The following DHX33 variants were observed in gnomAD, a reference collection of about 807,000 sequenced individuals.
DHX33 encodes DEAH-box helicase 33.
DHX33 carries 42 observed loss-of-function variants against 72.5 expected under a neutral mutation model. The ratio of observed to expected loss-of-function variants is 0.58; its 90% CI spans 0.45 to 0.75. DHX33 has a LOEUF of 0.75. Among genes scored for constraint, DHX33 ranks in the 30% least tolerant of loss-of-function variants. The probability of loss-of-function intolerance (pLI) is 0.00; values close to 1 mark genes in which losing one functional copy is unlikely to be tolerated. For synonymous variants in DHX33, 358 were observed against 366.1 expected, an observed-to-expected ratio of 0.98 and a Z score of 0.25; for missense variants, 842 against 917.5, an observed-to-expected ratio of 0.92 and a Z score of 1.06.
chr17:5,468,530 G>C (rs1446245010), intron 1 of DHX33, 41 bp downstream of exon 1: 1 of 1,586,998 alleles, frequency 6.3e-7, no homozygotes, highest in African/African-American at 1.3e-5. Context: ...GCTAAGCCAC[G>C]GACGAAGTGC....
intron 5 of DHX33, 37 bp downstream of exon 5, chr17:5,455,960 C>G (rs767578381): frequency 6.3e-7 from 1 of 1,589,748 alleles, no homozygotes; most frequent in South Asian, 1.1e-5. Context: ...GTCTGGGTGC[C>G]CAGAATAGGG....
At position 5,444,268 on chromosome 17, in the gene DHX33, T is replaced by A; in HGVS notation, c.2061A>T (p.Ala687=). Residue 687 remains alanine (A), a synonymous_variant, in exon 12 of 12, where the codon GCA becomes GCT. Transcript: ENST00000225296. The surrounding 1 kb of genome is among the most constrained non-coding windows in gnomAD (Gnocchi z 4.9). ...CAGGGGCAGCCTCGTACAGCCACTGTGCATCTATGACGCAGAGGTCCCGCA... is the reference window on the plus strand; with the variant it reads ...CAGGGGCAGCCTCGTACAGCCACTGAGCATCTATGACGCAGAGGTCCCGCA... ...CYMRDLCVID[A]QWLYEAAPEY... 1 of 1,614,228 alleles carries A rather than the reference T, an allele frequency of 6.2e-7. No individual in the cohort carries two copies. Among genetic ancestry groups the A allele is most frequent in the Non-Finnish European group, 8.5e-7 (1 of 1,180,046 alleles).
intron 11 of DHX33, among the ~76,000 whole-genome samples, chr17:5,447,961 C>T (rs555414196): frequency 6.6e-6 from 1 of 152,318 alleles, no homozygotes; most frequent in East Asian, 1.9e-4. Flanking sequence ...GGCAAATCAC[C>T]TGAGGTCAGG....
chr17:5,461,288 GTTTCC>G (rs1407409010), intron 3 of DHX33, 179 bp from the exon 4 acceptor site: 3 of 469,834 alleles, frequency 6.4e-6, no homozygotes, highest in Non-Finnish European at 1.1e-5. Flanking sequence ...ACACAGGTCT[GTTTCC>G]TTTCCTTTCC....
intron 4 of DHX33, among the ~76,000 whole-genome samples, chr17:5,458,793 A>T (rs1199579563): frequency 6.6e-6 from 1 of 152,244 alleles, no homozygotes; most frequent in African/African-American, 2.4e-5. Flanking sequence ...CCTAAACAGC[A>T]GAAATCTGGG....
At chr17:5,448,290 G>A (rs994192956) in intron 11 of DHX33, among the ~76,000 whole-genome samples, 2 of 152,220 alleles carry the variant, frequency 1.3e-5, no homozygotes, top group Admixed American at 6.5e-5. Flanking sequence ...TCCGTTATGT[G>A]TGTGCTCACA....
rs747244324 is a variant in DHX33 at position 5,468,698 on chromosome 17, G to A, written c.162C>T (p.Pro54=). 13 of 1,611,554 alleles carry A rather than the reference G, an allele frequency of 8.1e-6. No homozygotes were observed. The highest frequency in any genetic ancestry group is 1.1e-5 in the South Asian group (1 of 90,992). The change falls in exon 1 of 12, where the codon CCC becomes CCT. Residue 54 remains proline, a synonymous_variant. Coordinates refer to ENST00000225296, the MANE Select transcript of DHX33 (RefSeq NM_020162.4). ...GGGGGRRQQP[P]LAQPSASPYP... ...AGGGACTGGCCGAGGGCTGGGCCAGGGGCGGCTGCTGCCTCCGGCCTCCTC... is the reference window on the plus strand; with the variant it reads ...AGGGACTGGCCGAGGGCTGGGCCAGAGGCGGCTGCTGCCTCCGGCCTCCTC...
intron 11 of DHX33, among the ~76,000 whole-genome samples, chr17:5,448,602 T>TAA (rs1234007648): frequency 6.6e-6 from 1 of 152,190 alleles, no homozygotes; most frequent in African/African-American, 2.4e-5. Flanking sequence ...ATTTACTATG[T>TAA]AAAAAAATAC....
intron 4 of DHX33, 83 bp from the exon 5 acceptor site, chr17:5,456,265 T>C: frequency 1.4e-6 from 2 of 1,399,568 alleles, no homozygotes; most frequent in Non-Finnish European, 2.0e-6. Flanking sequence ...TTGATGATGT[T>C]TCCCAGAGTT....
intron 10 of DHX33, 98 bp downstream of exon 10, chr17:5,450,103 AAG>A: frequency 3.5e-6 from 5 of 1,441,204 alleles, no homozygotes; most frequent in Non-Finnish European, 4.8e-6. Flanking sequence ...TTTAGCCAAA[AAG>A]GGAAAGCGTA....
chr17:5,453,294 C>T (rs111857249), intron 8 of DHX33, among the ~76,000 whole-genome samples: 22,082 of 152,004 alleles, frequency 0.15, 2,821 homozygotes, highest in East Asian at 0.65. Context: ...GAGGCTGAGG[C>T]GGGGGGATCG....
chr17:5,448,947 T>C (rs1257656310), intron 10 of DHX33, 52 bp from the exon 11 acceptor site: 2 of 1,453,154 alleles, frequency 1.4e-6, no homozygotes, highest in Admixed American at 1.7e-5. Flanking sequence ...CATTTATATG[T>C]TCACAGAGAC....
chr17:5,455,086 A>G (rs1018490131), intron 6 of DHX33, 74 bp downstream of exon 6: 74 of 1,319,258 alleles, frequency 5.6e-5, no homozygotes, highest in Non-Finnish European at 7.7e-5. Context: ...CACTCAGGGG[A>G]AAACTGTGGG....
rs1490009768 is a variant in DHX33, at chr17:5,444,624, G to A, written c.1816-111C>T. The A allele has an allele frequency of 5.3e-6, 6 of 1,132,904 alleles. No homozygotes were observed. Among genetic ancestry groups the A allele is most frequent in the Non-Finnish European group, 7.5e-6 (6 of 802,670 alleles). 70.2% of individuals were successfully genotyped at this position (1,132,904 alleles called of 1,614,324 possible). On this transcript the variant is annotated intron_variant, in intron 11 of 11. Coordinates refer to ENST00000225296, the MANE Select transcript of DHX33 (RefSeq NM_020162.4). The surrounding 1 kb of genome is among the most constrained non-coding windows in gnomAD (Gnocchi z 4.9). ...CACTGGGGCAAAAGCAGCCCACATT[G>A]TGAGCCTAACGATGTGGATTCTGAC...
At chr17:5,465,539 A>C (rs546088877) in intron 1 of DHX33, among the ~76,000 whole-genome samples, 4 of 152,334 alleles carry the variant, frequency 2.6e-5, no homozygotes, top group Admixed American at 1.3e-4. Context: ...AGCATTTTAA[A>C]TGTGAAAATC....
rs543403796 is a variant in DHX33, at chr17:5,442,710, A to G, written c.*1495T>C. 6.6e-6 allele frequency: 1 copy of G among 152,342 alleles called. No homozygotes were observed. The highest frequency in any genetic ancestry group is 6.5e-5 in the Admixed American group (1 of 15,300). 9.4% of individuals were successfully genotyped at this position (152,342 alleles called of 1,614,324 possible). On this transcript the variant is annotated 3_prime_UTR_variant, in exon 12 of 12. Transcript: ENST00000225296. Reference sequence around the variant, plus strand: ...CTCTTGGGCAGCTTGGCCCCTGGTTATAACTATGATTCATTCATTAAGAAA... The same window carrying G: ...CTCTTGGGCAGCTTGGCCCCTGGTTGTAACTATGATTCATTCATTAAGAAA...
chr17:5,463,540 G>A lies in DHX33; in HGVS notation c.439C>T (p.Leu147Phe). Residue 147 changes from leucine to phenylalanine, a missense_variant, in exon 2 of 12, where the codon CTT becomes TTT. Leu to Phe is a conservative substitution (Grantham distance 22). Transcript: ENST00000225296. The stretch of plus-strand genomic sequence containing the variant: ...AAGGAACCAGGTACCAGCTTCCCAA[G>A]TTCAGTTCTCTTCTCATCTGAGACT... The part of the protein sequence containing the change: ...TRVSDEKRTE[L>F]GKLVGYTVRF... The A allele has an allele frequency of 6.2e-7, 1 of 1,614,040 alleles. No homozygotes were observed. Among genetic ancestry groups the A allele is most frequent in the Non-Finnish European group, 8.5e-7 (1 of 1,179,950 alleles).
At position 5,456,128 on chromosome 17, in the gene DHX33, C is replaced by T; in HGVS notation, c.904G>A (p.Glu302Lys). 1 of 1,614,118 alleles carries T rather than the reference C, an allele frequency of 6.2e-7. No individual in the cohort carries two copies. The highest frequency in any genetic ancestry group is 1.1e-5 in the South Asian group (1 of 91,076). ...TCTCGGCACGTCTTGCTCATGGCTT[C>T]GATCTCCTCCTGCCCAGTGAGGAAC... ...LVFLTGQEEI[E>K]AMSKTCRDIA... Residue 302 changes from glutamate (E) to lysine (K), a missense_variant, in exon 5 of 12, where the codon GAA becomes AAA. By Grantham distance (56) the Glu-to-Lys change is moderately conservative (BLOSUM62 1). Transcript: ENST00000225296.
chr17:5,465,289 T>A (rs1904829292), intron 1 of DHX33, among the ~76,000 whole-genome samples: 1 of 152,176 alleles, frequency 6.6e-6, no homozygotes, highest in African/African-American at 2.4e-5. Context: ...CAGCCCCCTC[T>A]GACTGCTCAT....
Sources: gnomAD v4.1 joint callset for allele counts (sites outside exome capture counted in the v4.1 genomes callset) on GRCh38, gnomAD v4.1.1 for gene constraint, Gnocchi (gnomAD v3.1) non-coding constraint, MANE v1.5 for transcripts, NCBI Gene and HGNC (gene_info 2026-07-23, HGNC 2026-07-21) for gene names.